Variants in TMEM236 observed in about 807,000 individuals in gnomAD.
TMEM236 encodes transmembrane protein 236, also known as family with sequence similarity 23, member A.
TMEM236 carries 11 observed loss-of-function variants against 14.7 expected under a neutral mutation model. That is an observed-to-expected ratio of 0.75 (90% CI 0.47 to 1.24). TMEM236 has a LOEUF of 1.24. Ranked by LOEUF, TMEM236 falls within the 50% of genes most tolerant of loss-of-function variation. The probability of loss-of-function intolerance (pLI) is 0.00; values close to 1 mark genes in which losing one functional copy is unlikely to be tolerated. For missense variants in TMEM236, 464 were observed against 427.3 expected, an observed-to-expected ratio of 1.09 and a Z score of -0.76; for synonymous variants, 182 against 168.6, an observed-to-expected ratio of 1.08 and a Z score of -0.62.
chr10:17,759,107 A>T (rs1004415917), intron 1 of TMEM236, among the ~76,000 whole-genome samples: 1 of 152,196 alleles, frequency 6.6e-6, no homozygotes, highest in Non-Finnish European at 1.5e-5. Flanking sequence ...TTATGGCTCC[A>T]TTCTAGGGAT....
At position 17,776,120 on chromosome 10, in the gene TMEM236, T is replaced by C; in HGVS notation, c.422T>C (p.Val141Ala). 3 of 1,613,828 alleles carry C rather than the reference T, an allele frequency of 1.9e-6. No individual in the cohort carries two copies. The highest frequency in any genetic ancestry group is 2.5e-6 in the Non-Finnish European group (3 of 1,179,756). The part of the protein sequence containing the change: ...VSLVLLSLIM[V>A]DIIEKLRIYP... ...CTGGTTCTGTTATCCCTGATCATGG[T>C]TGATATTATTGAAAAACTCAGGATA... Residue 141 changes from valine to alanine, a missense_variant, in exon 3 of 4, where the codon GTT (valine) becomes GCT (alanine). Physicochemically the swap from Val to Ala is moderately conservative, Grantham distance 64. Transcript: ENST00000377495.
intron 3 of TMEM236, among the ~76,000 whole-genome samples, chr10:17,779,703 G>C (rs1837717316): frequency 6.6e-6 from 1 of 152,008 alleles, no homozygotes; most frequent in Non-Finnish European, 1.5e-5. Flanking sequence ...GAGCCACCGT[G>C]TCCACCTGCT....
At chr10:17,785,749 G>A (rs1277808454) in intron 3 of TMEM236, among the ~76,000 whole-genome samples, 2 of 152,070 alleles carry the variant, frequency 1.3e-5, no homozygotes, top group African/African-American at 2.4e-5. Flanking sequence ...CCAACCGGGG[G>A]GGGATATTTC....
chr10:17,778,990 T>C (rs1837702400), intron 3 of TMEM236, among the ~76,000 whole-genome samples: 1 of 152,190 alleles, frequency 6.6e-6, no homozygotes, highest in Non-Finnish European at 1.5e-5. Context: ...GAGCAGTGCA[T>C]GGGAGCATTT....
At chr10:17,762,340 T>G (rs1029670626) in intron 1 of TMEM236, among the ~76,000 whole-genome samples, 3 of 151,920 alleles carry the variant, frequency 2.0e-5, no homozygotes, top group Non-Finnish European at 4.4e-5. Flanking sequence ...GCTGGCTGGA[T>G]TTTTAATGCC....
Position 17,752,558 on chromosome 10 carries a change from T to C in TMEM236, c.257+6T>C. ...TACAGAAAAATTAAAGGATGGTAAG[T>C]AAAAGAATTTTCTTTTTTTTCTTTT... On this transcript the variant is annotated splice_donor_region_variant and intron_variant, in intron 1 of 3. Coordinates refer to ENST00000377495, the MANE Select transcript of TMEM236 (RefSeq NM_001098844.3). The C allele has an allele frequency of 6.2e-7, 1 of 1,612,892 alleles. No homozygotes were observed. The highest frequency in any genetic ancestry group is 8.5e-7 in the Non-Finnish European group (1 of 1,178,984).
chr10:17,752,330 T>C lies in TMEM236; in HGVS notation c.35T>C (p.Phe12Ser). ...ASGRLIKFVV[F>S]ELLEFAAFSI... ...GGAAGGCTCATTAAGTTCGTGGTTT[T>C]TGAGCTCCTAGAGTTTGCCGCTTTC... Residue 12 changes from phenylalanine (F) to serine (S), a missense_variant, in exon 1 of 4, where the codon TTT becomes TCT. Phe to Ser is a radical substitution (Grantham distance 155). Transcript: ENST00000377495. 1 of 1,613,906 alleles carries C rather than the reference T, an allele frequency of 6.2e-7. No homozygotes were observed. Among genetic ancestry groups the C allele is most frequent in the Non-Finnish European group, 8.5e-7 (1 of 1,179,856 alleles).
chr10:17,761,313 A>G (rs926824893), intron 1 of TMEM236, among the ~76,000 whole-genome samples: 1 of 151,866 alleles, frequency 6.6e-6, no homozygotes, highest in Non-Finnish European at 1.5e-5. Flanking sequence ...GGCAACCTTC[A>G]CCCACTGGTC....
intron 3 of TMEM236, among the ~76,000 whole-genome samples, chr10:17,782,652 G>A (rs1034794731): frequency 1.4e-4 from 22 of 151,994 alleles, no homozygotes; most frequent in Non-Finnish European, 2.8e-4. Context: ...GGATTTCACC[G>A]TGTTGGCCAG....
chr10:17,792,479 T>C (rs1837942194), intron 3 of TMEM236, among the ~76,000 whole-genome samples: 6 of 152,382 alleles, frequency 3.9e-5, no homozygotes, highest in Non-Finnish European at 7.3e-5. Flanking sequence ...ATTGTTATCA[T>C]GTGCCTTTGT....
At chr10:17,770,388 A>T (rs961281005) in intron 1 of TMEM236, among the ~76,000 whole-genome samples, 33 of 151,926 alleles carry the variant, frequency 2.2e-4, no homozygotes, top group East Asian at 7.7e-4. Flanking sequence ...TTAATTAATT[A>T]ATTTATTTAT....
chr10:17,792,635 C>T (rs1837944737), intron 3 of TMEM236, among the ~76,000 whole-genome samples: 1 of 152,158 alleles, frequency 6.6e-6, no homozygotes, highest in Non-Finnish European at 1.5e-5. Context: ...ATTTAGCTTA[C>T]ACAGTGACGA....
At chr10:17,768,086 G>GTTT (rs879036347) in intron 1 of TMEM236, among the ~76,000 whole-genome samples, 634 of 91,796 alleles carry the variant, frequency 6.9e-3, no homozygotes, top group Non-Finnish European at 8.5e-3. Flanking sequence ...AATTTTTGTG[G>GTTT]TTTTTTTTTT....
At chr10:17,776,279 A>C in intron 3 of TMEM236, 109 bp downstream of exon 3, 1 of 1,060,140 alleles carries the variant, frequency 9.4e-7, no homozygotes, top group East Asian at 2.4e-5. Flanking sequence ...CTTAGGGCTA[A>C]CATTACTGAT....
intron 3 of TMEM236, among the ~76,000 whole-genome samples, chr10:17,790,896 G>A (rs1837914604): frequency 6.6e-6 from 1 of 152,184 alleles, no homozygotes; most frequent in Non-Finnish European, 1.5e-5. Context: ...AGCTGCCTCT[G>A]CTGACTTCTG....
At chr10:17,774,513 T>A (rs1185812927) in intron 2 of TMEM236, among the ~76,000 whole-genome samples, 2 of 139,694 alleles carry the variant, frequency 1.4e-5, no homozygotes, top group Admixed American at 7.3e-5. Context: ...CTTCCCACAT[T>A]TCTCTGCTGT....
At chr10:17,771,963 T>C (rs1452241517) in intron 2 of TMEM236, among the ~76,000 whole-genome samples, 16 of 152,192 alleles carry the variant, frequency 1.1e-4, no homozygotes, top group Admixed American at 3.9e-4. Context: ...ACTAATCTTA[T>C]TGATTTGCAA....
At position 17,798,092 on chromosome 10, in the gene TMEM236, A is replaced by G. The variant is rs1405864235; in HGVS notation, c.*1588A>G. ...CCCTGTTGGGACACTCTGAACAGTC[A>G]GCACTGTTCATTTGATAGTAATTTT... On this transcript the variant is annotated 3_prime_UTR_variant, in exon 4 of 4. Transcript: ENST00000377495. 1 of 181,836 alleles carries G rather than the reference A, an allele frequency of 5.5e-6. No homozygotes were observed. Among genetic ancestry groups the G allele is most frequent in the Non-Finnish European group, 1.2e-5 (1 of 85,880 alleles). 11.3% of individuals were successfully genotyped at this position (181,836 alleles called of 1,614,324 possible). A position where few individuals can be genotyped will look rare whatever the true frequency, so the allele number is the denominator to read the frequency against.
rs962755778 is a variant in TMEM236, at chr10:17,752,355, C to G, written c.60C>G (p.Phe20Leu). 6.5e-4 allele frequency: 1,050 copies of G among 1,613,876 alleles called. No individual in the cohort carries two copies. The highest frequency in any genetic ancestry group is 3.6e-3 in the Middle Eastern group (22 of 6,056). ...TTGAGCTCCTAGAGTTTGCCGCTTT[C>G]TCCATCCCCACACTCGTGATCACAG... is the stretch of plus-strand genomic sequence containing the variant. ...VVFELLEFAAFSIPTLVITEQ... is the reference protein window; with the variant it reads ...VVFELLEFAALSIPTLVITEQ... Residue 20 changes from phenylalanine (F) to leucine (L), a missense_variant, in exon 1 of 4, where the codon TTC (phenylalanine) becomes TTG (leucine). Phe to Leu is a conservative substitution (Grantham distance 22). Coordinates refer to ENST00000377495, the MANE Select transcript of TMEM236 (RefSeq NM_001098844.3).
Sources: allele counts gnomAD v4.1 joint callset (sites outside exome capture counted in the v4.1 genomes callset), GRCh38; gene constraint gnomAD v4.1.1; transcripts MANE v1.5; gene names NCBI Gene and HGNC (gene_info 2026-07-23, HGNC 2026-07-21).